CSMD1: variants seen among roughly 807,000 people sequenced by gnomAD.
CSMD1 encodes CUB and Sushi multiple domains 1, also known as CUB and sushi domain-containing protein 1.
Under a neutral mutation model 417.5 loss-of-function variants are expected in CSMD1, and 213 were observed. That is an observed-to-expected ratio of 0.51 (90% confidence interval 0.46 to 0.57). The LOEUF (loss-of-function observed/expected upper bound fraction) is 0.57. Ranked by LOEUF, CSMD1 falls within the 20% of genes least tolerant of loss-of-function variation. The pLI is 0.00. For missense variants in CSMD1, 6,923 were observed against 4,529.7 expected (o/e 1.53, Z -15.17); for synonymous variants, 2,862 against 1,736.8 (o/e 1.65, Z -16.11).
In CSMD1 at chr8:3,060,565, G is replaced by C. The variant is rs74320020; in HGVS notation, c.7475-7918C>G. On this transcript the variant is annotated intron_variant, in intron 49 of 69. Transcript: ENST00000635120. ...GGAAGTTAGACTTGCTCACAGGCAT[G>C]ATTGTTGTAAGTTGGTTTACAAGCA... 3.6e-3 allele frequency among the ~76,000 whole-genome samples: 553 copies of C among 152,300 alleles called. 3 individuals are homozygous for C. The highest frequency in any genetic ancestry group is 0.017 in the Middle Eastern group (5 of 292).
At chr8:4,399,454 G>T (rs181741109) in intron 3 of CSMD1, among the ~76,000 whole-genome samples, 12 of 152,296 alleles carry the variant, frequency 7.9e-5, no homozygotes, top group Admixed American at 3.9e-4. Flanking sequence ...CAAAGAATGG[G>T]TATGATTTTA....
intron 40 of CSMD1, among the ~76,000 whole-genome samples, chr8:3,150,699 AG>A (rs749636597): frequency 3.3e-5 from 5 of 152,226 alleles, no homozygotes; most frequent in African/African-American, 4.8e-5. Flanking sequence ...AGTGCTGTAG[AG>A]AAAATCACAA....
intron 6 of CSMD1, among the ~76,000 whole-genome samples, chr8:3,725,070 A>G (rs2129045741): frequency 6.6e-6 from 1 of 152,312 alleles, no homozygotes; most frequent in African/African-American, 2.4e-5. Context: ...GTGAGGCAGG[A>G]GGTTAAGGGC....
intron 5 of CSMD1, among the ~76,000 whole-genome samples, chr8:3,985,784 C>A (rs896825562): frequency 7.5e-5 from 11 of 147,550 alleles, no homozygotes; most frequent in Non-Finnish European, 1.2e-4. Context: ...GAGATGGAGT[C>A]TCACCCTGTC....
At chr8:4,594,221 T>G (rs1384274836) in intron 2 of CSMD1, among the ~76,000 whole-genome samples, 1 of 146,342 alleles carries the variant, frequency 6.8e-6, no homozygotes, top group Non-Finnish European at 1.5e-5. Flanking sequence ...TTTTTTTCTC[T>G]GAGACGGGGT....
At chr8:3,063,783 A>G (rs1313400354) in intron 49 of CSMD1, among the ~76,000 whole-genome samples, 4 of 152,214 alleles carry the variant, frequency 2.6e-5, no homozygotes, top group African/African-American at 9.6e-5. Context: ...AGTTGAATTC[A>G]GAGAGACAAA....
intron 1 of CSMD1, among the ~76,000 whole-genome samples, chr8:4,859,640 C>G (rs1192475294): frequency 6.6e-6 from 1 of 152,034 alleles, no homozygotes; most frequent in Non-Finnish European, 1.5e-5. Flanking sequence ...GTTTATACAG[C>G]CAAAAAACAC....
chr8:3,481,272 G>C (rs183838855), intron 11 of CSMD1, among the ~76,000 whole-genome samples: 132 of 151,234 alleles, frequency 8.7e-4, no homozygotes, highest in African/African-American at 3.1e-3. Context: ...ACTTTTACCT[G>C]TGTTTTCAAA....
intron 6 of CSMD1, among the ~76,000 whole-genome samples, chr8:3,739,155 T>C (rs1425822571): frequency 6.6e-6 from 1 of 152,232 alleles, no homozygotes; most frequent in Non-Finnish European, 1.5e-5. Flanking sequence ...TAAACAATGT[T>C]TGCAGTTAAA....
intron 47 of CSMD1, among the ~76,000 whole-genome samples, chr8:3,096,224 T>C (rs992535593): frequency 6.6e-6 from 1 of 152,186 alleles, no homozygotes; most frequent in Non-Finnish European, 1.5e-5. Context: ...ATTCTAACTG[T>C]TTGAAAAGTG....
At chr8:3,141,603 G>A (rs1818483629) in intron 41 of CSMD1, among the ~76,000 whole-genome samples, 1 of 152,012 alleles carries the variant, frequency 6.6e-6, no homozygotes, top group Non-Finnish European at 1.5e-5. Context: ...TAACATCAGT[G>A]CTTGAGATAT....
intron 2 of CSMD1, among the ~76,000 whole-genome samples, chr8:4,532,034 C>A (rs1270033683): frequency 1.4e-5 from 2 of 146,312 alleles, no homozygotes; most frequent in African/African-American, 5.1e-5. Flanking sequence ...AATCCTGCAC[C>A]CCCATTCAGT....
chr8:3,588,749 C>T (rs1416123342), intron 8 of CSMD1, among the ~76,000 whole-genome samples: 1 of 129,704 alleles, frequency 7.7e-6, no homozygotes, highest in Non-Finnish European at 1.8e-5. Flanking sequence ...CAAACTAAAA[C>T]CCTTACGCAC....
chr8:3,715,327 C>T (rs1430270518), intron 6 of CSMD1, among the ~76,000 whole-genome samples: 6 of 152,140 alleles, frequency 3.9e-5, no homozygotes, highest in Non-Finnish European at 8.8e-5. Flanking sequence ...TATGTCTCTA[C>T]TGTGGTTGTT....
At chr8:3,566,850 C>T (rs1799734632) in intron 10 of CSMD1, among the ~76,000 whole-genome samples, 1 of 152,150 alleles carries the variant, frequency 6.6e-6, no homozygotes, top group South Asian at 2.1e-4. Flanking sequence ...CTAGGTTAAC[C>T]TTTGTGGAAG....
intron 10 of CSMD1, among the ~76,000 whole-genome samples, chr8:3,538,140 T>C (rs1188231915): frequency 6.6e-6 from 1 of 152,244 alleles, no homozygotes; most frequent in Non-Finnish European, 1.5e-5. Context: ...CATGGACTTC[T>C]AGATTTACAT....
chr8:4,663,764 G>C (rs951485792), intron 1 of CSMD1, among the ~76,000 whole-genome samples: 1 of 152,136 alleles, frequency 6.6e-6, no homozygotes, highest in Admixed American at 6.5e-5. Context: ...TTAAAGTAAC[G>C]TGAGAATGGA....
At chr8:3,467,101 T>C (rs1395584888) in intron 12 of CSMD1, among the ~76,000 whole-genome samples, 1 of 152,162 alleles carries the variant, frequency 6.6e-6, no homozygotes, top group African/African-American at 2.4e-5. Flanking sequence ...ACAGCACTAA[T>C]TAGGGTAAAA....
In CSMD1 at chr8:3,215,650, T is replaced by A. The variant is rs890168388; in HGVS notation, c.4673-959A>T. ...CCTTTTTTCTTCAGTCATGTTGTTC[T>A]GCAGTCAATTTCAGTTATCTTCTGG... On this transcript the variant is annotated intron_variant, in intron 29 of 69. Coordinates refer to ENST00000635120, the MANE Select transcript of CSMD1 (RefSeq NM_033225.6). Among the ~76,000 whole-genome samples, 9 of 152,264 alleles carry A rather than the reference T, an allele frequency of 5.9e-5. No individual in the cohort carries two copies. In the East Asian group the frequency reaches 1.7e-3, roughly 29 times the overall value.
Sources: gnomAD v4.1 joint callset for allele counts (sites outside exome capture counted in the v4.1 genomes callset) on GRCh38, gnomAD v4.1.1 for gene constraint, MANE v1.5 for transcripts, NCBI Gene and HGNC (gene_info 2026-07-23, HGNC 2026-07-21) for gene names.